KIRREL3: variants seen among roughly 807,000 people sequenced by gnomAD.
KIRREL3 encodes kin of IRRE-like protein 3.
In KIRREL3, 36 loss-of-function variants were observed where a neutral mutation model predicts 89.7. The ratio of observed to expected loss-of-function variants is 0.40; its 90% CI spans 0.31 to 0.53. The LOEUF (loss-of-function observed/expected upper bound fraction) is 0.53. Among genes scored for constraint, KIRREL3 ranks in the 20% least tolerant of loss-of-function variants. The probability of loss-of-function intolerance (pLI) is 0.49; values close to 1 mark genes in which losing one functional copy is unlikely to be tolerated. For missense variants in KIRREL3, 864 were observed against 1,056.6 expected, an observed-to-expected ratio of 0.82 and a Z score of 2.53; for synonymous variants, 445 against 441.4, an observed-to-expected ratio of 1.01 and a Z score of -0.10.
intron 1 of KIRREL3, among the ~76,000 whole-genome samples, chr11:126,679,622 A>G (rs1169338272): frequency 6.6e-6 from 1 of 152,198 alleles, no homozygotes; most frequent in African/African-American, 2.4e-5. Context: ...TAGACAGTTC[A>G]TCTCAACACT....
intron 1 of KIRREL3, among the ~76,000 whole-genome samples, chr11:126,899,221 G>C (rs1946278951): frequency 6.6e-6 from 1 of 152,176 alleles, no homozygotes; most frequent in East Asian, 1.9e-4. Flanking sequence ...TTTTTGACTT[G>C]GGTATAATGA....
In KIRREL3 at chr11:126,768,145, CATCCATCCATCCATCCATCCATCCA is replaced by C. The variant is rs1385131512; in HGVS notation, c.56-205258_56-205234del. Reference sequence around the variant, plus strand: ...CTGTCTATCCATCTATCCATCCATCCATCCATCCATCCATCCATCCATCCAATCCATCCATCCATCCATCCATCCA... The same window carrying C: ...CTGTCTATCCATCTATCCATCCATCCATCCATCCATCCATCCATCCATCCA... On this transcript the variant is annotated intron_variant, in intron 1 of 16. Transcript: ENST00000525144. This position sits in a 1 kb window ranked among gnomAD's most constrained non-coding sequence, Gnocchi z 4.5. Among the ~76,000 whole-genome samples, 1 of 128,728 alleles carries C rather than the reference CATCCATCCATCCATCCATCCATCCA, an allele frequency of 7.8e-6. No individual in the cohort carries two copies. Among genetic ancestry groups the C allele is most frequent in the Non-Finnish European group, 1.6e-5 (1 of 63,736 alleles). 84.5% of individuals were successfully genotyped at this position (128,728 alleles called of 152,430 possible).
Position 126,562,811 on chromosome 11 carries a change from G to C in KIRREL3, c.133+24C>G, listed in dbSNP as rs1270983456. On this transcript the variant is annotated intron_variant, in intron 2 of 16. Coordinates refer to ENST00000525144, the MANE Select transcript of KIRREL3 (RefSeq NM_032531.4). This position sits in a 1 kb window ranked among gnomAD's most constrained non-coding sequence, Gnocchi z 4.7. ...CTTCCTCCCTCCAGATTACTCCCGA[G>C]ACAATGGGGAGGTTCTCACTGACCT... 6.2e-6 allele frequency: 10 copies of C among 1,603,280 alleles called. No homozygotes were observed. The South Asian group carries it at 1.1e-4, about 18-fold the overall frequency.
chr11:126,657,854 A>G (rs1233749501), intron 1 of KIRREL3, among the ~76,000 whole-genome samples: 1 of 152,166 alleles, frequency 6.6e-6, no homozygotes, highest in East Asian at 1.9e-4. Flanking sequence ...AGAAATTCCA[A>G]TCAGGCTTTA....
At position 126,561,968 on chromosome 11, in the gene KIRREL3, G is replaced by A. The variant is rs1386495583; in HGVS notation, c.133+867C>T. On this transcript the variant is annotated intron_variant, in intron 2 of 16. Coordinates refer to ENST00000525144, the MANE Select transcript of KIRREL3 (RefSeq NM_032531.4). The surrounding 1 kb of genome is among the most constrained non-coding windows in gnomAD (Gnocchi z 4.5). ...CTCCTTCTTGCTGGAATGGGAATGAGGAGACATGGGCCCTGGGCCCTGGAA... is the reference window on the plus strand; with the variant it reads ...CTCCTTCTTGCTGGAATGGGAATGAAGAGACATGGGCCCTGGGCCCTGGAA... 6.6e-6 allele frequency among the ~76,000 whole-genome samples: 1 copy of A among 152,180 alleles called. No homozygotes were observed. The highest frequency in any genetic ancestry group is 1.9e-4 in the East Asian group (1 of 5,184).
chr11:126,973,371 T>A (rs1268470309), intron 1 of KIRREL3, among the ~76,000 whole-genome samples: 1 of 152,144 alleles, frequency 6.6e-6, no homozygotes, highest in Non-Finnish European at 1.5e-5. Flanking sequence ...TCCTTCTCTG[T>A]GTGAAGGCCA....
At chr11:126,790,397 T>G (rs1950601647) in intron 1 of KIRREL3, among the ~76,000 whole-genome samples, 1 of 152,320 alleles carries the variant, frequency 6.6e-6, no homozygotes, top group South Asian at 2.1e-4. Flanking sequence ...CTCCCCTGGT[T>G]AGCTTGATGA....
rs551731029 is a variant in KIRREL3, at chr11:126,627,331, A to C, written c.56-64419T>G. 2.0e-5 allele frequency among the ~76,000 whole-genome samples: 3 copies of C among 152,290 alleles called. No homozygotes were observed. The East Asian group carries it at 5.8e-4, about 29-fold the overall frequency. ...CTGGAGCAGGTGGCCAAGGGCCTTG[A>C]AAACCATGTTGAAGCATGGTGACCT... is the stretch of plus-strand genomic sequence containing the variant. On this transcript the variant is annotated intron_variant, in intron 1 of 16. Transcript: ENST00000525144. This position sits in a 1 kb window ranked among gnomAD's most constrained non-coding sequence, Gnocchi z 5.0.
Position 126,427,769 on chromosome 11 carries a change from CT to C in KIRREL3, c.1806+1409del. 6.6e-6 allele frequency among the ~76,000 whole-genome samples: 1 copy of C among 152,230 alleles called. No individual in the cohort carries two copies. Among genetic ancestry groups the C allele is most frequent in the South Asian group, 2.1e-4 (1 of 4,818 alleles). On this transcript the variant is annotated intron_variant, in intron 15 of 16. Coordinates refer to ENST00000525144, the MANE Select transcript of KIRREL3 (RefSeq NM_032531.4). The surrounding 1 kb of genome is among the most constrained non-coding windows in gnomAD (Gnocchi z 5.3). The stretch of plus-strand genomic sequence containing the variant: ...CCAGATTTGCATTTTAGAAAGGCTG[CT>C]TTCTCAAGGCTCTCGAGGGTGGATT...
Position 126,903,292 on chromosome 11 carries a change from T to A in KIRREL3, c.55+97163A>T, listed in dbSNP as rs182884986. On this transcript the variant is annotated intron_variant, in intron 1 of 16. Transcript: ENST00000525144. This position sits in a 1 kb window ranked among gnomAD's most constrained non-coding sequence, Gnocchi z 4.5. ...TCACATTTTTCTTTTCTTTTTTTTT[T>A]AAACTAATTTTTTCCTCTTTTTCTC... is the stretch of plus-strand genomic sequence containing the variant. 6.6e-6 allele frequency among the ~76,000 whole-genome samples: 1 copy of A among 152,108 alleles called. No homozygotes were observed. Among genetic ancestry groups the A allele is most frequent in the African/African-American group, 2.4e-5 (1 of 41,412 alleles).
rs1053879016 is a variant in KIRREL3, at chr11:126,709,701, C to T, written c.56-146789G>A. Among the ~76,000 whole-genome samples, 11 of 152,096 alleles carry T rather than the reference C, an allele frequency of 7.2e-5. No homozygotes were observed. Among genetic ancestry groups the T allele is most frequent in the African/African-American group, 1.4e-4 (6 of 41,388 alleles). On this transcript the variant is annotated intron_variant, in intron 1 of 16. Coordinates refer to ENST00000525144, the MANE Select transcript of KIRREL3 (RefSeq NM_032531.4). The surrounding 1 kb of genome is among the most constrained non-coding windows in gnomAD (Gnocchi z 4.0). The stretch of plus-strand genomic sequence containing the variant: ...ACATCTATAAGCCAAGGGGAGGCCT[C>T]GGGAGAAACCAACCCTGTAGACACC...
chr11:126,851,619 AAC>A (rs370108274), intron 1 of KIRREL3, among the ~76,000 whole-genome samples: 11 of 152,104 alleles, frequency 7.2e-5, no homozygotes, highest in African/African-American at 2.7e-4. Context: ...CCACATCCTG[AAC>A]CCCCACCAAG....
In KIRREL3 at chr11:126,676,014, T is replaced by C. The variant is rs1239157818; in HGVS notation, c.56-113102A>G. 6.6e-6 allele frequency among the ~76,000 whole-genome samples: 1 copy of C among 152,144 alleles called. No homozygotes were observed. The highest frequency in any genetic ancestry group is 1.5e-5 in the Non-Finnish European group (1 of 68,022). On this transcript the variant is annotated intron_variant, in intron 1 of 16. Coordinates refer to ENST00000525144, the MANE Select transcript of KIRREL3 (RefSeq NM_032531.4). This position sits in a 1 kb window ranked among gnomAD's most constrained non-coding sequence, Gnocchi z 4.5. ...TGAGAAGCTGGATGGATGATGATGT[T>C]AACACCAAGAATAAGAAATCCAGTA... is the stretch of plus-strand genomic sequence containing the variant.
chr11:126,556,858 T>C (rs1388680818), intron 2 of KIRREL3, among the ~76,000 whole-genome samples: 2 of 152,190 alleles, frequency 1.3e-5, no homozygotes, highest in Non-Finnish European at 2.9e-5. Context: ...TAAATCTGAC[T>C]CTTGCCATAA....
chr11:126,717,485 T>A (rs7941644), intron 1 of KIRREL3, among the ~76,000 whole-genome samples: 58,754 of 152,020 alleles, frequency 0.39, 11,736 homozygotes, highest in Non-Finnish European at 0.44. Flanking sequence ...TCAGATGCTT[T>A]GAAAGTTCTC....
chr11:126,699,930 A>G (rs1299709877), intron 1 of KIRREL3, among the ~76,000 whole-genome samples: 1 of 152,190 alleles, frequency 6.6e-6, no homozygotes, highest in Non-Finnish European at 1.5e-5. Context: ...ATGGAGGCTC[A>G]TGTGTGTAAT....
chr11:126,921,650 G>T (rs1297359241), intron 1 of KIRREL3, among the ~76,000 whole-genome samples: 1 of 124,782 alleles, frequency 8.0e-6, no homozygotes, highest in Admixed American at 8.1e-5. Flanking sequence ...ATCTTCCTGT[G>T]TTCCTATCTA....
In KIRREL3 at chr11:126,424,347, C is replaced by T. The variant is rs1798909794; in HGVS notation, c.*233G>A. The T allele has an allele frequency of 7.2e-6, 4 of 559,090 alleles. No homozygotes were observed. The highest frequency in any genetic ancestry group is 6.1e-5 in the South Asian group (3 of 49,104). 34.6% of individuals were successfully genotyped at this position (559,090 alleles called of 1,614,324 possible). On this transcript the variant is annotated 3_prime_UTR_variant, in exon 17 of 17. Coordinates refer to ENST00000525144, the MANE Select transcript of KIRREL3 (RefSeq NM_032531.4). ...GGTGTCCAGCACTAAGCACAGCGCA[C>T]TCAGCCGCAGCCTCTGTCTGTCTCC...
chr11:126,569,030 G>T lies in KIRREL3; in HGVS notation c.56-6118C>A, dbSNP rs1020178706. ...GAGAGGCCAAGGAACCAGAGAGCTT[G>T]GGAATGGAGAGGAAATGATGAATCA... On this transcript the variant is annotated intron_variant, in intron 1 of 16. Coordinates refer to ENST00000525144, the MANE Select transcript of KIRREL3 (RefSeq NM_032531.4). This position sits in a 1 kb window ranked among gnomAD's most constrained non-coding sequence, Gnocchi z 6.5. Among the ~76,000 whole-genome samples, 1 of 152,088 alleles carries T rather than the reference G, an allele frequency of 6.6e-6. No homozygotes were observed. Among genetic ancestry groups the T allele is most frequent in the Non-Finnish European group, 1.5e-5 (1 of 68,032 alleles).
Sources: gnomAD v4.1 joint callset for allele counts (sites outside exome capture counted in the v4.1 genomes callset) on GRCh38, gnomAD v4.1.1 for gene constraint, Gnocchi (gnomAD v3.1) non-coding constraint, MANE v1.5 for transcripts, NCBI Gene and HGNC (gene_info 2026-07-23, HGNC 2026-07-21) for gene names.